Variants in CSMD1 observed in about 807,000 individuals in gnomAD.
The protein encoded by CSMD1 is CUB and sushi domain-containing protein 1.
A neutral mutation model predicts 417.5 loss-of-function variants in CSMD1; 213 were observed. The ratio of observed to expected loss-of-function variants is 0.51; its 90% CI spans 0.46 to 0.57. The LOEUF (loss-of-function observed/expected upper bound fraction) is 0.57, where lower values mean the gene tolerates loss of function less well. CSMD1 is among the 20% of genes least tolerant of loss of function. The probability of loss-of-function intolerance (pLI) is 0.00; values close to 1 mark genes in which losing one functional copy is unlikely to be tolerated. For missense variants in CSMD1, 6,923 were observed against 4,529.7 expected, an observed-to-expected ratio of 1.53 and a Z score of -15.17; for synonymous variants, 2,862 against 1,736.8, an observed-to-expected ratio of 1.65 and a Z score of -16.11.
intron 2 of CSMD1, among the ~76,000 whole-genome samples, chr8:4,475,001 G>A (rs148774648): frequency 6.6e-6 from 1 of 152,088 alleles, no homozygotes; most frequent in Non-Finnish European, 1.5e-5. Context: ...TTTTGGGGGA[G>A]TTGAAAGTTT....
intron 4 of CSMD1, among the ~76,000 whole-genome samples, chr8:4,007,774 A>C (rs1331376112): frequency 2.0e-5 from 3 of 152,048 alleles, no homozygotes; most frequent in African/African-American, 7.2e-5. Context: ...TGTCTTTAAC[A>C]AGTGTTGGGA....
At chr8:4,019,139 C>G (rs1162574944) in intron 4 of CSMD1, among the ~76,000 whole-genome samples, 1 of 152,056 alleles carries the variant, frequency 6.6e-6, no homozygotes, top group Non-Finnish European at 1.5e-5. Context: ...TATCGTAAGA[C>G]TTAAAGAAAA....
At chr8:3,488,365 C>T (rs1250735430) in intron 11 of CSMD1, among the ~76,000 whole-genome samples, 1 of 152,112 alleles carries the variant, frequency 6.6e-6, no homozygotes, top group Non-Finnish European at 1.5e-5. Flanking sequence ...TCCTCGGCTT[C>T]CCAAAGTTCC....
At chr8:4,296,693 A>AG (rs1201904380) in intron 3 of CSMD1, among the ~76,000 whole-genome samples, 2 of 103,974 alleles carry the variant, frequency 1.9e-5, no homozygotes, top group Non-Finnish European at 3.7e-5. Flanking sequence ...CACGAAAATA[A>AG]GGGTTTTTTT....
chr8:4,554,288 C>T (rs1465860902), intron 2 of CSMD1, among the ~76,000 whole-genome samples: 1 of 152,064 alleles, frequency 6.6e-6, no homozygotes, highest in African/African-American at 2.4e-5. Context: ...AGGCATGCGT[C>T]ACGATGCCCG....
chr8:4,664,312 C>A (rs1049745956), intron 1 of CSMD1, among the ~76,000 whole-genome samples: 1 of 152,188 alleles, frequency 6.6e-6, no homozygotes, highest in South Asian at 2.1e-4. Context: ...ATAATCTCAG[C>A]ACTGTGGAAG....
At chr8:4,000,953 T>G in intron 4 of CSMD1, among the ~76,000 whole-genome samples, 1 of 151,936 alleles carries the variant, frequency 6.6e-6, no homozygotes, top group Non-Finnish European at 1.5e-5. Context: ...ATTAATGACA[T>G]ATTAATTGAA....
At chr8:3,706,919 C>G (rs1801200604) in intron 7 of CSMD1, among the ~76,000 whole-genome samples, 2 of 152,084 alleles carry the variant, frequency 1.3e-5, no homozygotes, top group East Asian at 1.9e-4. Context: ...CCATCCTTTT[C>G]CAATCTAATT....
At chr8:3,392,555 C>G (rs80337464) in intron 17 of CSMD1, among the ~76,000 whole-genome samples, 27,176 of 152,014 alleles carry the variant, frequency 0.18, 2,446 homozygotes, top group Middle Eastern at 0.24. Flanking sequence ...GCCTTGGCCC[C>G]TTCCCTCCTG....
At chr8:3,923,241 T>G (rs956752110) in intron 5 of CSMD1, among the ~76,000 whole-genome samples, 2 of 152,142 alleles carry the variant, frequency 1.3e-5, no homozygotes, top group African/African-American at 2.4e-5. Context: ...TGGTGGTGAA[T>G]CTTCCAGAGT....
intron 3 of CSMD1, among the ~76,000 whole-genome samples, chr8:4,214,942 A>T (rs754016764): frequency 5.3e-5 from 8 of 152,166 alleles, no homozygotes; most frequent in African/African-American, 9.7e-5. Context: ...TAATGAGCAC[A>T]AACGAAGCTC....
chr8:2,961,057 A>T (rs1036680760), intron 62 of CSMD1, 84 bp downstream of exon 62: 1 of 842,058 alleles, frequency 1.2e-6, no homozygotes. Context: ...AAGGTATGAT[A>T]TAAAAAAGCA....
intron 6 of CSMD1, among the ~76,000 whole-genome samples, chr8:3,724,051 A>T (rs1482059412): frequency 3.7e-5 from 2 of 54,614 alleles, no homozygotes; most frequent in Non-Finnish European, 1.7e-4. Flanking sequence ...CTGTGTAAAC[A>T]CAGATTTTGT....
intron 27 of CSMD1, among the ~76,000 whole-genome samples, chr8:3,225,013 A>G (rs1455914724): frequency 6.6e-6 from 1 of 152,198 alleles, no homozygotes; most frequent in Admixed American, 6.5e-5. Flanking sequence ...GTCTTATTTC[A>G]TTCCCATTAT....
At chr8:4,954,203 T>A (rs978020359) in intron 1 of CSMD1, among the ~76,000 whole-genome samples, 2 of 152,154 alleles carry the variant, frequency 1.3e-5, no homozygotes, top group East Asian at 3.8e-4. Flanking sequence ...CATTATGTGT[T>A]CCCTAACCTC....
chr8:3,712,903 G>T (rs909886003), intron 6 of CSMD1, among the ~76,000 whole-genome samples: 1 of 152,092 alleles, frequency 6.6e-6, no homozygotes, highest in Non-Finnish European at 1.5e-5. Context: ...TTTGACAGAA[G>T]GAATAAGTTC....
chr8:4,594,391 G>C (rs897982540), intron 2 of CSMD1, among the ~76,000 whole-genome samples: 1 of 151,656 alleles, frequency 6.6e-6, no homozygotes, highest in South Asian at 2.1e-4. Flanking sequence ...GTAGAGACAG[G>C]ATTTCACCAT....
intron 12 of CSMD1, among the ~76,000 whole-genome samples, chr8:3,411,390 G>A (rs1356948288): frequency 1.3e-5 from 2 of 151,798 alleles, no homozygotes; most frequent in African/African-American, 2.4e-5. Context: ...GGTTTTGGGG[G>A]GAACCCAAGC....
chr8:3,431,305 C>T (rs2117020939), intron 12 of CSMD1, among the ~76,000 whole-genome samples: 1 of 152,228 alleles, frequency 6.6e-6, no homozygotes, highest in African/African-American at 2.4e-5. Flanking sequence ...CTTGTCTAAC[C>T]CTGCATACTC....
Sources: gnomAD v4.1 joint callset for allele counts (sites outside exome capture counted in the v4.1 genomes callset) on GRCh38, gnomAD v4.1.1 for gene constraint, MANE v1.5 for transcripts, NCBI Gene and HGNC (gene_info 2026-07-23, HGNC 2026-07-21) for gene names.